EPRS1: variants seen among roughly 807,000 people sequenced by gnomAD.
The protein encoded by EPRS1 is bifunctional glutamate/proline--tRNA ligase.
In EPRS1, 107 loss-of-function variants were observed where a neutral mutation model predicts 188.3. The ratio of observed to expected loss-of-function variants is 0.57; its 90% CI spans 0.49 to 0.67. The LOEUF (loss-of-function observed/expected upper bound fraction) is 0.67. EPRS1 is among the 30% of genes least tolerant of loss of function. EPRS1 has a pLI of 0.00. For missense variants in EPRS1, 1,577 were observed against 1,802.2 expected, an observed-to-expected ratio of 0.88 and a Z score of 2.26; for synonymous variants, 596 against 593.1, an observed-to-expected ratio of 1.00 and a Z score of -0.07.
rs940527864 is a variant in EPRS1 at position 220,025,430 on chromosome 1, A to C, written c.624-172T>G. On this transcript the variant is annotated intron_variant, in intron 6 of 31. Coordinates refer to ENST00000366923, the MANE Select transcript of EPRS1 (RefSeq NM_004446.3). The stretch of plus-strand genomic sequence containing the variant: ...GATAGAAAATCTGACCCTGACAGGA[A>C]AAAAAAAAAAGACTATACCATATAT... Among the ~76,000 whole-genome samples the C allele has an allele frequency of 8.2e-4, 3 of 3,662 alleles. No homozygotes were observed. In the African/African-American group the frequency reaches 0.037, roughly 45 times the overall value. The allele number at this position is 3,662 out of a possible 152,430, so 2.4% of individuals were successfully genotyped here. A position where few individuals can be genotyped will look rare whatever the true frequency, so the allele number is the denominator to read the frequency against.
chr1:219,987,307 G>A lies in EPRS1; in HGVS notation c.2873C>T (p.Ala958Val). 6.2e-7 allele frequency: 1 copy of A among 1,613,848 alleles called. No individual in the cohort carries two copies. The highest frequency in any genetic ancestry group is 8.5e-7 in the Non-Finnish European group (1 of 1,179,950). The change falls in exon 20 of 32, where the codon GCT (alanine) becomes GTT (valine). Residue 958 changes from alanine to valine, a missense_variant. Transcript: ENST00000366923. ...TTTCTTCTTCTTATCTTTGTCCTCA[G>A]CTCCAGTGGCCGACACAGGCTTATA... Reference protein sequence around the residue: ...VEYKPVSATGAEDKDKKKKEK... With the variant: ...VEYKPVSATGVEDKDKKKKEK...
chr1:220,037,846 C>T (rs1331464612), intron 2 of EPRS1, among the ~76,000 whole-genome samples: 1 of 152,066 alleles, frequency 6.6e-6, no homozygotes, highest in Non-Finnish European at 1.5e-5. Flanking sequence ...ACAAAGCAAA[C>T]AAACACCAAT....
intron 6 of EPRS1, 103 bp downstream of exon 6, chr1:220,030,283 T>TATGTG: frequency 1.5e-6 from 1 of 687,162 alleles, no homozygotes; most frequent in East Asian, 2.8e-5. Flanking sequence ...AATCTTATGT[T>TATGTG]CTTCTATATT....
rs572308167 is a variant in EPRS1, at chr1:220,017,528, T to C, written c.1494+921A>G. 3.3e-5 allele frequency among the ~76,000 whole-genome samples: 5 copies of C among 152,310 alleles called. No individual in the cohort carries two copies. In the South Asian group the frequency reaches 1.0e-3, roughly 32 times the overall value. On this transcript the variant is annotated intron_variant, in intron 12 of 31. Transcript: ENST00000366923. ...CAAGAACCAATTAACAATTCCTTTA[T>C]GTATCAAAAACTAAACACGAAAGAC...
At chr1:219,992,419 T>C (rs1160846908) in intron 18 of EPRS1, among the ~76,000 whole-genome samples, 1 of 152,252 alleles carries the variant, frequency 6.6e-6, no homozygotes, top group East Asian at 1.9e-4. Context: ...AATCATTTTA[T>C]TTTGTTGTTA....
In EPRS1 at chr1:219,980,772, T is replaced by G; in HGVS notation, c.3539A>C (p.Glu1180Ala). The G allele has an allele frequency of 6.2e-7, 1 of 1,611,026 alleles. No homozygotes were observed. Among genetic ancestry groups the G allele is most frequent in the Non-Finnish European group, 8.5e-7 (1 of 1,177,700 alleles). Residue 1180 changes from glutamate (E) to alanine (A), a missense_variant, in exon 25 of 32, where the codon GAA becomes GCA. Transcript: ENST00000366923. ...QEGHSAFATM[E>A]EAAEEVLQIL... The stretch of plus-strand genomic sequence containing the variant: ...TTTTTATACCTCTTCCGCTGCCTCT[T>G]CCATGGTAGCAAAAGCACTGTGCCC...
At chr1:220,038,959 G>A (rs1662242656) in intron 2 of EPRS1, among the ~76,000 whole-genome samples, 1 of 152,130 alleles carries the variant, frequency 6.6e-6, no homozygotes, top group Non-Finnish European at 1.5e-5. Flanking sequence ...GATCCACAAG[G>A]AGGGGACTTA....
In EPRS1 at chr1:219,969,080, A is replaced by G. The variant is rs1208212391; in HGVS notation, c.4366T>C (p.Trp1456Arg). The change falls in exon 31 of 32, where the codon TGG (tryptophan) becomes CGG (arginine). Residue 1456 changes from tryptophan to arginine, a missense_variant. Trp to Arg is a moderately radical substitution (Grantham distance 101, BLOSUM62 -3). This residue lies in a region of EPRS1 where 296 missense variants were observed against 327.9 expected (regional missense o/e 0.90). Transcript: ENST00000366923. ...TACCTGGCAGTGGTCTTTTTGATCC[A>G]GTCCTCACAGTCAATTTCCCCACAG... is the stretch of plus-strand genomic sequence containing the variant. ...PFCGEIDCED[W>R]IKKTTARDQD... 6.2e-7 allele frequency: 1 copy of G among 1,613,182 alleles called. No individual in the cohort carries two copies. Among genetic ancestry groups the G allele is most frequent in the Non-Finnish European group, 8.5e-7 (1 of 1,179,258 alleles).
intron 6 of EPRS1, among the ~76,000 whole-genome samples, chr1:220,028,843 T>C (rs1220080262): frequency 6.6e-6 from 1 of 152,082 alleles, no homozygotes; most frequent in Non-Finnish European, 1.5e-5. Context: ...GAAAAAATAG[T>C]AATTAAAGAA....
At position 219,988,710 on chromosome 1, in the gene EPRS1, T is replaced by C; in HGVS notation, c.2655A>G (p.Ser885=). ...CAGGTTCAGAATTTCTGGTTGGGCT[T>C]GAATCCGAACTTTGAGATAATGGGG... ...GQPPLSQSSD[S]SPTRNSEPAG... The change falls in exon 19 of 32, where the codon TCA becomes TCG. Residue 885 remains serine (S), a synonymous_variant. Coordinates refer to ENST00000366923, the MANE Select transcript of EPRS1 (RefSeq NM_004446.3). 1 of 1,613,986 alleles carries C rather than the reference T, an allele frequency of 6.2e-7. No homozygotes were observed. Among genetic ancestry groups the C allele is most frequent in the Non-Finnish European group, 8.5e-7 (1 of 1,179,852 alleles).
chr1:219,995,472 A>G (rs1661213160), intron 18 of EPRS1, among the ~76,000 whole-genome samples: 1 of 152,204 alleles, frequency 6.6e-6, no homozygotes, highest in Non-Finnish European at 1.5e-5. Flanking sequence ...TGTCCAACAG[A>G]TACAGTGCAA....
chr1:219,983,270 A>G lies in EPRS1; in HGVS notation c.3219T>C (p.Val1073=). ...FFDAEIKKLG[V]ENCYFPMFVS... is the part of the protein sequence containing the mutation. ...CAAACATGGGGAAGTAGCAGTTTTCAACACCAAGTTTCTTGATCTCAGCAT... is the reference window on the plus strand; with the variant it reads ...CAAACATGGGGAAGTAGCAGTTTTCGACACCAAGTTTCTTGATCTCAGCAT... Residue 1073 remains valine (V), a synonymous_variant, in exon 22 of 32, where the codon GTT becomes GTC. Coordinates refer to ENST00000366923, the MANE Select transcript of EPRS1 (RefSeq NM_004446.3). 2 of 1,614,150 alleles carry G rather than the reference A, an allele frequency of 1.2e-6. No individual in the cohort carries two copies. Among genetic ancestry groups the G allele is most frequent in the Non-Finnish European group, 1.7e-6 (2 of 1,179,982 alleles).
chr1:220,006,784 T>C (rs1653801794), intron 14 of EPRS1, among the ~76,000 whole-genome samples: 1 of 152,224 alleles, frequency 6.6e-6, no homozygotes, highest in African/African-American at 2.4e-5. Flanking sequence ...TTCCTAAGTG[T>C]AGCACACTAT....
chr1:220,044,707 A>AAAC (rs1662367540), intron 1 of EPRS1, among the ~76,000 whole-genome samples: 5 of 146,028 alleles, frequency 3.4e-5, no homozygotes, highest in Admixed American at 1.4e-4. Flanking sequence ...AAAAAAAAAA[A>AAAC]AAAAAACAGT....
At chr1:219,989,950 G>A (rs1258201996) in intron 18 of EPRS1, among the ~76,000 whole-genome samples, 1 of 151,792 alleles carries the variant, frequency 6.6e-6, no homozygotes, top group East Asian at 1.9e-4. Flanking sequence ...GAGAATCAAG[G>A]GGGGAAAAAA....
intron 17 of EPRS1, among the ~76,000 whole-genome samples, chr1:219,999,761 G>A (rs1353797025): frequency 6.6e-6 from 1 of 152,146 alleles, no homozygotes; most frequent in Admixed American, 6.5e-5. Context: ...ATCACCTGAG[G>A]TAAGGAGTTC....
chr1:220,010,147 T>C (rs2248466), intron 13 of EPRS1, among the ~76,000 whole-genome samples: 120,266 of 150,064 alleles, frequency 0.8, 48,362 homozygotes, highest in East Asian at 0.93. Flanking sequence ...CCTTCACTTA[T>C]ACTTTCCAAA....
At chr1:220,018,202 T>C (rs1661760538) in intron 12 of EPRS1, 1 of 1,335,836 alleles carries the variant, frequency 7.5e-7, no homozygotes, top group Non-Finnish European at 1.0e-6. Flanking sequence ...AGGAAAAAAA[T>C]ATTACTGTTC....
intron 1 of EPRS1, among the ~76,000 whole-genome samples, chr1:220,045,666 C>T (rs886253997): frequency 6.6e-6 from 1 of 152,136 alleles, no homozygotes; most frequent in South Asian, 2.1e-4. Context: ...GGTGACAGAT[C>T]CAATGTTTAC....
Sources: allele counts gnomAD v4.1 joint callset (sites outside exome capture counted in the v4.1 genomes callset), GRCh38; gene constraint gnomAD v4.1.1; regional missense constraint gnomAD v4.1.1; transcripts MANE v1.5; gene names NCBI Gene and HGNC (gene_info 2026-07-23, HGNC 2026-07-21).